Variants in HTR2A observed in about 807,000 individuals in gnomAD.
The protein encoded by HTR2A is 5-HT2 receptor.
HTR2A carries 14 observed loss-of-function variants against 31.0 expected under a neutral mutation model. The ratio of observed to expected loss-of-function variants is 0.45; its 90% CI spans 0.30 to 0.71. The LOEUF (loss-of-function observed/expected upper bound fraction) is 0.71. HTR2A is among the 30% of genes least tolerant of loss of function. HTR2A has a pLI of 0.09. For synonymous variants in HTR2A, 209 were observed against 225.2 expected, an observed-to-expected ratio of 0.93 and a Z score of 0.64; for missense variants, 442 against 573.3, an observed-to-expected ratio of 0.77 and a Z score of 2.34.
chr13:46,894,390 A>G (rs1485466263), intron 2 of HTR2A, among the ~76,000 whole-genome samples: 1 of 152,192 alleles, frequency 6.6e-6, no homozygotes, highest in Non-Finnish European at 1.5e-5. Context: ...CTTCCCCGGG[A>G]TGCCGGGGAA....
In HTR2A at chr13:46,895,491, T is replaced by G. The variant is rs1465680318; in HGVS notation, c.412+4A>C. On this transcript the variant is annotated splice_donor_region_variant and intron_variant, in intron 2 of 3. Coordinates refer to ENST00000542664, the MANE Select transcript of HTR2A (RefSeq NM_000621.5). The surrounding 1 kb of genome is among the most constrained non-coding windows in gnomAD (Gnocchi z 4.4). ...AATATAGCTGGGAAACTAATGCCAC[T>G]CACCATACAGGATGGTTAACATGGA... 6.2e-7 allele frequency: 1 copy of G among 1,611,762 alleles called. No homozygotes were observed. The highest frequency in any genetic ancestry group is 8.5e-7 in the Non-Finnish European group (1 of 1,178,348).
At position 46,851,296 on chromosome 13, in the gene HTR2A, A is replaced by G. The variant is rs913679711; in HGVS notation, c.614-15657T>C. ...AAAAGACATAAGAAACAAAAGTCAC[A>G]GTAAAAATCTAATCAGCCAAATAGT... is the stretch of plus-strand genomic sequence containing the variant. On this transcript the variant is annotated intron_variant, in intron 3 of 3. Coordinates refer to ENST00000542664, the MANE Select transcript of HTR2A (RefSeq NM_000621.5). Among the ~76,000 whole-genome samples, 74 of 152,128 alleles carry G rather than the reference A, an allele frequency of 4.9e-4. 2 individuals are homozygous for G. Among genetic ancestry groups the G allele is most frequent in the Admixed American group, 4.8e-3 (73 of 15,282 alleles).
chr13:46,851,714 C>T lies in HTR2A; in HGVS notation c.614-16075G>A, dbSNP rs533590114. On this transcript the variant is annotated intron_variant, in intron 3 of 3. Transcript: ENST00000542664. ...TGCAAACTTCCCGATGATATATTCA[C>T]CGCTTTTCTACATTTTGTGATAGTA... Among the ~76,000 whole-genome samples, 28 of 152,294 alleles carry T rather than the reference C, an allele frequency of 1.8e-4. No homozygotes were observed. In the South Asian group the frequency reaches 2.1e-3, roughly 11 times the overall value.
intron 3 of HTR2A, among the ~76,000 whole-genome samples, chr13:46,878,718 C>T (rs1446414363): frequency 6.6e-6 from 1 of 152,080 alleles, no homozygotes; most frequent in Non-Finnish European, 1.5e-5. Flanking sequence ...AGAAATCAGT[C>T]CACAGAATCA....
Position 46,852,891 on chromosome 13 carries a change from A to C in HTR2A, c.614-17252T>G, listed in dbSNP as rs940425873. On this transcript the variant is annotated intron_variant, in intron 3 of 3. Coordinates refer to ENST00000542664, the MANE Select transcript of HTR2A (RefSeq NM_000621.5). ...AACACCTTAGTTCTACAGTTAACAA[A>C]GGTAAGTTATCTCAATAATTTGAAC... Among the ~76,000 whole-genome samples the C allele has an allele frequency of 9.2e-5, 14 of 152,324 alleles. No individual in the cohort carries two copies. In the East Asian group the frequency reaches 2.1e-3, roughly 23 times the overall value.
chr13:46,835,539 G>A lies in HTR2A; in HGVS notation c.714C>T (p.Gly238=), dbSNP rs746192127. The change falls in exon 4 of 4, where the codon GGC becomes GGT. Residue 238 remains glycine (G), a synonymous_variant. Coordinates refer to ENST00000542664, the MANE Select transcript of HTR2A (RefSeq NM_000621.5). ...AGGGAATGAAAAATGACACAAAAGA[G>A]CCGATCAGGACAAAGTTATCATCGG... ...LLADDNFVLI[G]SFVSFFIPLT... 11 of 1,613,924 alleles carry A rather than the reference G, an allele frequency of 6.8e-6. No individual in the cohort carries two copies. The highest frequency in any genetic ancestry group is 9.3e-6 in the Non-Finnish European group (11 of 1,179,950).
intron 3 of HTR2A, among the ~76,000 whole-genome samples, chr13:46,868,831 T>C (rs1950840792): frequency 6.6e-6 from 1 of 152,202 alleles, no homozygotes; most frequent in African/African-American, 2.4e-5. Context: ...CTGCCACTAT[T>C]GGCACACAAA....
intron 3 of HTR2A, among the ~76,000 whole-genome samples, chr13:46,845,344 T>G (rs916534204): frequency 6.6e-6 from 1 of 151,774 alleles, no homozygotes; most frequent in Non-Finnish European, 1.5e-5. Context: ...GAGACAGGAG[T>G]GATCTCTCCA....
At position 46,834,786 on chromosome 13, in the gene HTR2A, G is replaced by T; in HGVS notation, c.*51C>A. 2 of 1,433,136 alleles carry T rather than the reference G, an allele frequency of 1.4e-6. No homozygotes were observed. Among genetic ancestry groups the T allele is most frequent in the Non-Finnish European group, 1.9e-6 (2 of 1,055,752 alleles). 88.8% of individuals were successfully genotyped at this position (1,433,136 alleles called of 1,614,324 possible). On this transcript the variant is annotated 3_prime_UTR_variant, in exon 4 of 4. Coordinates refer to ENST00000542664, the MANE Select transcript of HTR2A (RefSeq NM_000621.5). The stretch of plus-strand genomic sequence containing the variant: ...TCTCATATTTTTTTTTTTCCAGATA[G>T]GTGAAAACTTGCTCAGTGTGCCTTC...
chr13:46,864,805 A>G (rs1950806995), intron 3 of HTR2A, among the ~76,000 whole-genome samples: 1 of 152,184 alleles, frequency 6.6e-6, no homozygotes, highest in Non-Finnish European at 1.5e-5. Context: ...ATGTAATAGG[A>G]TGCATCTGTT....
intron 3 of HTR2A, among the ~76,000 whole-genome samples, chr13:46,839,193 A>C (rs1214237484): frequency 6.6e-6 from 1 of 152,206 alleles, no homozygotes; most frequent in African/African-American, 2.4e-5. Context: ...CAAGCTGATC[A>C]GTTATTTAAA....
chr13:46,856,393 T>G (rs936067253), intron 3 of HTR2A: 3 of 152,216 alleles, frequency 2.0e-5, no homozygotes, highest in Non-Finnish European at 4.4e-5. Flanking sequence ...TGTTTCTTCA[T>G]ACACTGCAAG....
chr13:46,890,645 G>A (rs1951045712), intron 3 of HTR2A, among the ~76,000 whole-genome samples: 1 of 152,200 alleles, frequency 6.6e-6, no homozygotes, highest in Non-Finnish European at 1.5e-5. Context: ...CATGAAGCCT[G>A]AATGAGATGG....
chr13:46,889,856 C>T (rs1951037695), intron 3 of HTR2A, among the ~76,000 whole-genome samples: 1 of 152,180 alleles, frequency 6.6e-6, no homozygotes, highest in African/African-American at 2.4e-5. Flanking sequence ...TTAGATCTGC[C>T]TTTTTCCTTT....
At chr13:46,871,731 C>T (rs927579005) in intron 3 of HTR2A, among the ~76,000 whole-genome samples, 2 of 152,152 alleles carry the variant, frequency 1.3e-5, no homozygotes, top group African/African-American at 4.8e-5. Flanking sequence ...GCATTTTTGA[C>T]ACCTAACTGG....
At chr13:46,836,121 CACTT>C (rs1373181067) in intron 3 of HTR2A, among the ~76,000 whole-genome samples, 3 of 151,888 alleles carry the variant, frequency 2.0e-5, no homozygotes, top group East Asian at 3.9e-4. Context: ...TACATTCACA[CACTT>C]ACCATGTGCA....
chr13:46,834,745 G>C lies in HTR2A; in HGVS notation c.*92C>G. 1 of 1,007,390 alleles carries C rather than the reference G, an allele frequency of 9.9e-7. No individual in the cohort carries two copies. Among genetic ancestry groups the C allele is most frequent in the Non-Finnish European group, 1.5e-6 (1 of 683,460 alleles). 62.4% of individuals were successfully genotyped at this position (1,007,390 alleles called of 1,614,324 possible). Reference sequence around the variant, plus strand: ...TATGATCGTTGGTTCCACTAGACTTGTCTAATTTTTTCCAATCTCATATTT... The same window carrying C: ...TATGATCGTTGGTTCCACTAGACTTCTCTAATTTTTTCCAATCTCATATTT... On this transcript the variant is annotated 3_prime_UTR_variant, in exon 4 of 4. Coordinates refer to ENST00000542664, the MANE Select transcript of HTR2A (RefSeq NM_000621.5).
chr13:46,874,654 T>C (rs1950892257), intron 3 of HTR2A, among the ~76,000 whole-genome samples: 1 of 152,256 alleles, frequency 6.6e-6, no homozygotes, highest in Non-Finnish European at 1.5e-5. Context: ...AGGGCAAGGT[T>C]GGTGTCTTGC....
chr13:46,839,123 A>G (rs1269228113), intron 3 of HTR2A, among the ~76,000 whole-genome samples: 1 of 152,156 alleles, frequency 6.6e-6, no homozygotes, highest in South Asian at 2.1e-4. Context: ...GGATGTGGTA[A>G]GAGGTTACAC....
Sources: allele counts gnomAD v4.1 joint callset (sites outside exome capture counted in the v4.1 genomes callset), GRCh38; gene constraint gnomAD v4.1.1; non-coding constraint Gnocchi (gnomAD v3.1); transcripts MANE v1.5; gene names NCBI Gene and HGNC (gene_info 2026-07-23, HGNC 2026-07-21).